Variants in SIRT1 observed in about 807,000 individuals in gnomAD.
SIRT1 encodes sirtuin 1, also known as NAD-dependent protein deacetylase sirtuin-1.
A neutral mutation model predicts 67.9 loss-of-function variants in SIRT1; 24 were observed. That is an observed-to-expected ratio of 0.35 (90% CI 0.26 to 0.50). The LOEUF is 0.50. Among genes scored for constraint, SIRT1 ranks in the 20% least tolerant of loss-of-function variants. SIRT1 has a pLI of 0.98. For synonymous variants in SIRT1, 378 were observed against 350.7 expected (o/e 1.08, Z -0.87); for missense variants, 873 against 937.2 (o/e 0.93, Z 0.89).
At chr10:67,893,113 ATATATATT>A (rs1361108941) in intron 4 of SIRT1, among the ~76,000 whole-genome samples, 2 of 152,038 alleles carry the variant, frequency 1.3e-5, no homozygotes, top group Non-Finnish European at 2.9e-5. Flanking sequence ...ACTTGGAGGT[ATATATATT>A]TGAAAGAGTC....
At chr10:67,890,390 G>T (rs1842550959) in intron 3 of SIRT1, among the ~76,000 whole-genome samples, 1 of 152,066 alleles carries the variant, frequency 6.6e-6, no homozygotes, top group Non-Finnish European at 1.5e-5. Context: ...GAGAATTGTT[G>T]TAGTATTGAG....
chr10:67,917,135 T>C lies in SIRT1; in HGVS notation c.*542T>C, dbSNP rs1443344818. 6.6e-6 allele frequency: 1 copy of C among 152,652 alleles called. No individual in the cohort carries two copies. The highest frequency in any genetic ancestry group is 2.4e-5 in the African/African-American group (1 of 41,466). 9.5% of individuals were successfully genotyped at this position (152,652 alleles called of 1,614,324 possible). On this transcript the variant is annotated 3_prime_UTR_variant, in exon 9 of 9. Transcript: ENST00000212015. ...TTTCCAAAACTGTGGCAGCTAACTT[T>C]TTAAAATCTCAAATGACATGCAGTG...
At chr10:67,914,396 T>C (rs764845799) in intron 8 of SIRT1, among the ~76,000 whole-genome samples, 1 of 152,094 alleles carries the variant, frequency 6.6e-6, no homozygotes. Flanking sequence ...ACTTGGAGAT[T>C]AGATTACAGA....
intron 2 of SIRT1, 120 bp downstream of exon 2, chr10:67,887,653 C>G (rs553895225): frequency 1.7e-6 from 1 of 588,526 alleles, no homozygotes; most frequent in Non-Finnish European, 3.0e-6. Flanking sequence ...CTCGGCTCAC[C>G]GTACCCTCCG....
chr10:67,889,720 C>T (rs1337955777), intron 3 of SIRT1, among the ~76,000 whole-genome samples: 1 of 152,080 alleles, frequency 6.6e-6, no homozygotes, highest in South Asian at 2.1e-4. Context: ...AAATTTTGTC[C>T]TGTTTTCTGC....
chr10:67,899,757 C>G (rs1231710876), intron 4 of SIRT1, among the ~76,000 whole-genome samples: 1 of 151,850 alleles, frequency 6.6e-6, no homozygotes, highest in African/African-American at 2.4e-5. Context: ...TCTTTTTGAT[C>G]TAGGGTTGTT....
intron 4 of SIRT1, among the ~76,000 whole-genome samples, chr10:67,904,659 A>C (rs1842794424): frequency 6.6e-6 from 1 of 152,186 alleles, no homozygotes; most frequent in South Asian, 2.1e-4. Context: ...CAGCCTGACC[A>C]ACATGGAGAA....
intron 6 of SIRT1, 77 bp downstream of exon 6, chr10:67,908,202 C>T (rs907635127): frequency 2.4e-6 from 3 of 1,248,968 alleles, no homozygotes; most frequent in Non-Finnish European, 2.3e-6. Context: ...TCCTTTTTTA[C>T]CCCTTTAAAG....
At chr10:67,907,992 T>C in intron 5 of SIRT1, 54 bp from the exon 6 acceptor site, 1 of 1,454,382 alleles carries the variant, frequency 6.9e-7, no homozygotes, top group South Asian at 1.2e-5. Context: ...TGTGGTGTGT[T>C]CAAGAAACAG....
At chr10:67,895,648 AAG>A (rs571670448) in intron 4 of SIRT1, among the ~76,000 whole-genome samples, 9 of 149,646 alleles carry the variant, frequency 6.0e-5, no homozygotes, top group Non-Finnish European at 1.2e-4. Flanking sequence ...TTCAGAAGGA[AAG>A]AGAGACTTTC....
rs1163990300 is a variant in SIRT1, at chr10:67,884,954, A to AGGCGGAGGCAGAGGC, written c.239_253dup (p.Glu80_Ala84dup). The stretch of plus-strand genomic sequence containing the variant: ...GCGGCGGCGGCGGCGCTGTGGCGGG[A>AGGCGGAGGCAGAGGC]GGCGGAGGCAGAGGCGGCGGCGGCA... On this transcript the variant is annotated inframe_insertion, in exon 1 of 9. Coordinates refer to ENST00000212015, the MANE Select transcript of SIRT1 (RefSeq NM_012238.5). 2.4e-6 allele frequency: 3 copies of AGGCGGAGGCAGAGGC among 1,250,526 alleles called. No individual in the cohort carries two copies. Among genetic ancestry groups the AGGCGGAGGCAGAGGC allele is most frequent in the Non-Finnish European group, 3.0e-6 (3 of 999,214 alleles). The allele number at this position is 1,250,526 out of a possible 1,614,324, so 77.5% of individuals were successfully genotyped here.
chr10:67,906,678 A>T lies in SIRT1; in HGVS notation c.943-112A>T, dbSNP rs138017907. ...TCTAGATACTTTAAAATGCTCATCTATTTCATTTTTAAAATTATGTGTGTG... is the reference window on the plus strand; with the variant it reads ...TCTAGATACTTTAAAATGCTCATCTTTTTCATTTTTAAAATTATGTGTGTG... On this transcript the variant is annotated intron_variant, in intron 4 of 8. Transcript: ENST00000212015. 6 of 1,085,192 alleles carry T rather than the reference A, an allele frequency of 5.5e-6. No individual in the cohort carries two copies. The East Asian group carries it at 1.5e-4, about 27-fold the overall frequency. 67.2% of individuals were successfully genotyped at this position (1,085,192 alleles called of 1,614,324 possible).
At chr10:67,897,104 C>T (rs926156607) in intron 4 of SIRT1, among the ~76,000 whole-genome samples, 3 of 150,416 alleles carry the variant, frequency 2.0e-5, no homozygotes, top group South Asian at 2.1e-4. Context: ...TGCAGTGAGC[C>T]GAGATCGCAC....
chr10:67,895,428 C>T (rs11595798), intron 4 of SIRT1, among the ~76,000 whole-genome samples: 16,888 of 151,994 alleles, frequency 0.11, 969 homozygotes, highest in South Asian at 0.15. Context: ...TATCCTGACA[C>T]GGAGGATGGG....
At chr10:67,900,193 T>G (rs901228501) in intron 4 of SIRT1, among the ~76,000 whole-genome samples, 3 of 152,166 alleles carry the variant, frequency 2.0e-5, no homozygotes, top group Non-Finnish European at 4.4e-5. Flanking sequence ...TCGCTCAAGT[T>G]GGAGTGCAGT....
chr10:67,904,916 G>C (rs1015828501), intron 4 of SIRT1, among the ~76,000 whole-genome samples: 7 of 151,338 alleles, frequency 4.6e-5, no homozygotes, highest in African/African-American at 1.7e-4. Flanking sequence ...AAAGGTAGTT[G>C]AATTAATAAG....
Position 67,916,755 on chromosome 10 carries a change from T to C in SIRT1, c.*162T>C. On this transcript the variant is annotated 3_prime_UTR_variant, in exon 9 of 9. Coordinates refer to ENST00000212015, the MANE Select transcript of SIRT1 (RefSeq NM_012238.5). ...TGTTTTTCATGGATAATTTTTAACT[T>C]CATTATTTCTGTACTTGTACAAACT... 1 of 514,798 alleles carries C rather than the reference T, an allele frequency of 1.9e-6. No homozygotes were observed. Among genetic ancestry groups the C allele is most frequent in the Non-Finnish European group, 3.3e-6 (1 of 301,536 alleles). The allele number at this position is 514,798 out of a possible 1,614,324, so 31.9% of individuals were successfully genotyped here. A position where few individuals can be genotyped will look rare whatever the true frequency, so the allele number is the denominator to read the frequency against.
At chr10:67,909,767 G>A (rs1842871083) in intron 7 of SIRT1, among the ~76,000 whole-genome samples, 1 of 151,956 alleles carries the variant, frequency 6.6e-6, no homozygotes, top group Admixed American at 6.6e-5. Context: ...TATAGACCGG[G>A]TTTCACCATG....
At chr10:67,905,052 C>T (rs1842800608) in intron 4 of SIRT1, among the ~76,000 whole-genome samples, 1 of 152,128 alleles carries the variant, frequency 6.6e-6, no homozygotes, top group South Asian at 2.1e-4. Flanking sequence ...TGCTCTTTTT[C>T]CCTGACCTTG....
Sources: allele counts gnomAD v4.1 joint callset (sites outside exome capture counted in the v4.1 genomes callset), GRCh38; gene constraint gnomAD v4.1.1; transcripts MANE v1.5; gene names NCBI Gene and HGNC (gene_info 2026-07-23, HGNC 2026-07-21).